The following CACUL1 variants were observed in gnomAD, a reference collection of about 807,000 sequenced individuals.
CACUL1 encodes the protein CDK2-associated and cullin domain-containing protein 1.
A neutral mutation model predicts 45.2 loss-of-function variants in CACUL1; 13 were observed. The observed-to-expected ratio is 0.29, with a 90% CI of 0.19 to 0.46. The LOEUF (loss-of-function observed/expected upper bound fraction) is 0.46, where lower values mean the gene tolerates loss of function less well. Among genes scored for constraint, CACUL1 ranks in the 20% least tolerant of loss-of-function variants. The pLI is 1.00. For missense variants in CACUL1, 421 were observed against 471.4 expected, an observed-to-expected ratio of 0.89 and a Z score of 0.99; for synonymous variants, 197 against 174.2, an observed-to-expected ratio of 1.13 and a Z score of -1.03.
intron 3 of CACUL1, among the ~76,000 whole-genome samples, chr10:118,722,146 C>T (rs893769985): frequency 1.3e-5 from 2 of 150,434 alleles, no homozygotes; most frequent in African/African-American, 4.9e-5. Context: ...TGCAATGGTG[C>T]GATCTCGGCT....
chr10:118,748,927 GAA>G (rs1208157900), intron 1 of CACUL1, among the ~76,000 whole-genome samples: 1 of 152,114 alleles, frequency 6.6e-6, no homozygotes, highest in Non-Finnish European at 1.5e-5. Flanking sequence ...ATGGACACAG[GAA>G]AAAGAGGAAA....
intron 3 of CACUL1, among the ~76,000 whole-genome samples, chr10:118,723,776 ATT>A (rs528165505): frequency 6.6e-6 from 1 of 150,824 alleles, no homozygotes; most frequent in Admixed American, 6.6e-5. Context: ...CAAGACCACC[ATT>A]TTTTTTTCTT....
At chr10:118,737,976 G>A (rs578224991) in intron 1 of CACUL1, among the ~76,000 whole-genome samples, 8 of 152,180 alleles carry the variant, frequency 5.3e-5, no homozygotes, top group South Asian at 4.1e-4. Flanking sequence ...GATTACATAG[G>A]TGTAAACTAT....
chr10:118,692,274 A>G (rs1482485897), intron 6 of CACUL1: 2 of 152,196 alleles, frequency 1.3e-5, no homozygotes, highest in African/African-American at 4.8e-5. Flanking sequence ...ACAGTAAAAA[A>G]AAAAGTGGTT....
chr10:118,706,748 A>G (rs1458485756), intron 4 of CACUL1, among the ~76,000 whole-genome samples: 1 of 152,256 alleles, frequency 6.6e-6, no homozygotes, highest in Admixed American at 6.5e-5. Flanking sequence ...AATGAAAATC[A>G]GGAAGCACTA....
chr10:118,707,264 G>A (rs1248729091), intron 4 of CACUL1, among the ~76,000 whole-genome samples: 1 of 152,176 alleles, frequency 6.6e-6, no homozygotes, highest in African/African-American at 2.4e-5. Context: ...TAATCTTAAT[G>A]CCTACTTGTC....
At chr10:118,722,583 T>C (rs549650396) in intron 3 of CACUL1, among the ~76,000 whole-genome samples, 2 of 152,312 alleles carry the variant, frequency 1.3e-5, no homozygotes, top group South Asian at 4.1e-4. Flanking sequence ...ACGATTATCA[T>C]AGCAAATGTT....
At chr10:118,701,801 C>G (rs4752189) in intron 4 of CACUL1, among the ~76,000 whole-genome samples, 114,351 of 152,068 alleles carry the variant, frequency 0.75, 43,158 homozygotes, top group Non-Finnish European at 0.79. Context: ...GACATGCACT[C>G]GTTGACTCCC....
intron 1 of CACUL1, among the ~76,000 whole-genome samples, chr10:118,741,568 C>G (rs1845793533): frequency 6.6e-6 from 1 of 152,002 alleles, no homozygotes; most frequent in Admixed American, 6.6e-5. Context: ...AATCTTTAAT[C>G]TTCATCTTCC....
chr10:118,744,255 G>A (rs572954164), intron 1 of CACUL1, among the ~76,000 whole-genome samples: 4 of 152,120 alleles, frequency 2.6e-5, no homozygotes, highest in East Asian at 3.9e-4. Context: ...GCATGGTGGC[G>A]CATGCTTGTA....
chr10:118,726,211 G>A (rs111381027), intron 3 of CACUL1: 2 of 767,482 alleles, frequency 2.6e-6, no homozygotes, highest in Middle Eastern at 2.7e-4. Flanking sequence ...CTGCCTTAAG[G>A]TCTCTATAAA....
chr10:118,707,718 G>C (rs12414881), intron 3 of CACUL1, 131 bp from the exon 4 acceptor site: 60,326 of 512,928 alleles, frequency 0.12, 5,951 homozygotes, highest in African/African-American at 0.28. Context: ...AAAAAAAAAG[G>C]AAGACACGTA....
chr10:118,692,190 G>A (rs933809120), intron 6 of CACUL1, among the ~76,000 whole-genome samples: 3 of 152,178 alleles, frequency 2.0e-5, no homozygotes, highest in African/African-American at 7.2e-5. Flanking sequence ...TTAATAAGTG[G>A]GCTGGAGGTA....
At chr10:118,745,544 G>A (rs1009446285) in intron 1 of CACUL1, among the ~76,000 whole-genome samples, 1 of 151,768 alleles carries the variant, frequency 6.6e-6, no homozygotes, top group Non-Finnish European at 1.5e-5. Flanking sequence ...CTGGGCGACA[G>A]AGTGAGACTC....
At position 118,691,157 on chromosome 10, in the gene CACUL1, G is replaced by C. The variant is rs2119550574; in HGVS notation, c.1025+108C>G. 8 of 903,352 alleles carry C rather than the reference G, an allele frequency of 8.9e-6. 1 individual carries two copies. The South Asian group carries it at 1.3e-4, about 15-fold the overall frequency. The allele number at this position is 903,352 out of a possible 1,614,324, so 56.0% of individuals were successfully genotyped here. On this transcript the variant is annotated intron_variant, in intron 7 of 8. Coordinates refer to ENST00000369151, the MANE Select transcript of CACUL1 (RefSeq NM_153810.5). The stretch of plus-strand genomic sequence containing the variant: ...GTCTTCTTGCAGCAGCAAGACTCTT[G>C]GCCAGTTACCTCCCATTCTCAGAAC...
At chr10:118,695,088 G>T in intron 6 of CACUL1, 53 bp downstream of exon 6, 1 of 1,113,656 alleles carries the variant, frequency 9.0e-7, no homozygotes, top group Non-Finnish European at 1.4e-6. Flanking sequence ...CTGCCCTCTT[G>T]GAAAAGGCTG....
rs1845104664 is a variant in CACUL1 at position 118,676,980 on chromosome 10, T to C, written c.*9148A>G. 6.6e-6 allele frequency: 1 copy of C among 152,146 alleles called. No homozygotes were observed. Among genetic ancestry groups the C allele is most frequent in the South Asian group, 2.1e-4 (1 of 4,824 alleles). 9.4% of individuals were successfully genotyped at this position (152,146 alleles called of 1,614,324 possible). On this transcript the variant is annotated 3_prime_UTR_variant, in exon 9 of 9. Transcript: ENST00000369151. ...AAACTTCTCCAATCCCAAGAAAAAA[T>C]ACTACTTTCTAGTTTTTACAACATT...
intron 4 of CACUL1, 132 bp from the exon 5 acceptor site, chr10:118,701,540 C>T (rs1181504806): frequency 2.1e-6 from 1 of 477,864 alleles, no homozygotes; most frequent in African/African-American, 1.9e-5. Context: ...CAACATCCAA[C>T]AACAAAAGCC....
chr10:118,737,134 G>GA (rs200119188), intron 1 of CACUL1, among the ~76,000 whole-genome samples: 3,916 of 129,824 alleles, frequency 0.03, 49 homozygotes, highest in East Asian at 0.07. Context: ...TATTAGGAGG[G>GA]AAAAAAAAAA....
Sources: gnomAD v4.1 joint callset for allele counts (sites outside exome capture counted in the v4.1 genomes callset) on GRCh38, gnomAD v4.1.1 for gene constraint, MANE v1.5 for transcripts, NCBI Gene and HGNC (gene_info 2026-07-23, HGNC 2026-07-21) for gene names.